The following TNFSF13B variants were observed in gnomAD, a reference collection of about 807,000 sequenced individuals.
TNFSF13B encodes the protein tumor necrosis factor ligand superfamily member 13B.
TNFSF13B carries 8 observed loss-of-function variants against 29.1 expected under a neutral mutation model. That is an observed-to-expected ratio of 0.27 (90% CI 0.16 to 0.50). The LOEUF is 0.50. TNFSF13B is among the 20% of genes least tolerant of loss of function. The pLI is 0.98. For missense variants in TNFSF13B, 248 were observed against 334.9 expected, an observed-to-expected ratio of 0.74 and a Z score of 2.03; for synonymous variants, 125 against 130.8, an observed-to-expected ratio of 0.96 and a Z score of 0.30.
intron 3 of TNFSF13B, among the ~76,000 whole-genome samples, chr13:108,291,120 C>A (rs1460077635): frequency 2.0e-5 from 3 of 151,620 alleles, no homozygotes; most frequent in African/African-American, 7.3e-5. Flanking sequence ...TATTTATGCA[C>A]CCCAATAAAA....
At chr13:108,271,097 C>G (rs563047850) in intron 2 of TNFSF13B, among the ~76,000 whole-genome samples, 20 of 152,126 alleles carry the variant, frequency 1.3e-4, no homozygotes, top group Non-Finnish European at 2.2e-4. Context: ...TCTGCTCATT[C>G]CACGGAACTT....
Position 108,308,169 on chromosome 13 carries a change from A to T in TNFSF13B, c.*1231A>T, listed in dbSNP as rs1413941699. 6.6e-6 allele frequency: 1 copy of T among 152,120 alleles called. No individual in the cohort carries two copies. The highest frequency in any genetic ancestry group is 1.5e-5 in the Non-Finnish European group (1 of 67,992). The allele number at this position is 152,120 out of a possible 1,614,324, so 9.4% of individuals were successfully genotyped here. ...CATTAAACAGTAGGTGGAAAAATAG[A>T]TGCCAGTCTATGAAAATCTTCCCAT... On this transcript the variant is annotated 3_prime_UTR_variant, in exon 6 of 6. Coordinates refer to ENST00000375887, the MANE Select transcript of TNFSF13B (RefSeq NM_006573.5).
chr13:108,306,805 T>C, intron 5 of TNFSF13B, 21 bp from the exon 6 acceptor site: 1 of 1,402,230 alleles, frequency 7.1e-7, no homozygotes, highest in Non-Finnish European at 1.0e-6. Flanking sequence ...CTTATAGTTC[T>C]TGTAAATCAT....
intron 2 of TNFSF13B, among the ~76,000 whole-genome samples, chr13:108,278,756 G>A (rs908600935): frequency 3.7e-4 from 26 of 70,866 alleles, no homozygotes; most frequent in Admixed American, 6.2e-4. Context: ...TTGAGACAGG[G>A]AAGGGTAAGA....
chr13:108,281,518 C>T (rs895191499), intron 2 of TNFSF13B, among the ~76,000 whole-genome samples: 1 of 152,096 alleles, frequency 6.6e-6, no homozygotes, highest in African/African-American at 2.4e-5. Context: ...CCATCCTCAC[C>T]CTATGTCTTT....
At chr13:108,283,425 A>C (rs973845907) in intron 2 of TNFSF13B, among the ~76,000 whole-genome samples, 58 of 152,338 alleles carry the variant, frequency 3.8e-4, no homozygotes, top group East Asian at 1.9e-4. Context: ...CAGTTCTTGA[A>C]AGAAACTTTT....
chr13:108,303,417 G>A, intron 4 of TNFSF13B, 37 bp from the exon 5 acceptor site: 6 of 1,609,554 alleles, frequency 3.7e-6, no homozygotes, highest in Non-Finnish European at 5.1e-6. Context: ...CCCATTTTGT[G>A]TTCATTTCTG....
intron 3 of TNFSF13B, chr13:108,302,797 TG>T: frequency 1.0e-6 from 1 of 985,902 alleles, no homozygotes; most frequent in Non-Finnish European, 1.2e-6. Flanking sequence ...TTGCCACATT[TG>T]GGCCAAGGAA....
chr13:108,272,348 T>A (rs1880642798), intron 2 of TNFSF13B, among the ~76,000 whole-genome samples: 1 of 152,148 alleles, frequency 6.6e-6, no homozygotes, highest in Non-Finnish European at 1.5e-5. Flanking sequence ...TTTTTTTACT[T>A]GAACATTTTG....
In TNFSF13B at chr13:108,290,224, C is replaced by T. The variant is rs530483234; in HGVS notation, c.481+3365C>T. Reference sequence around the variant, plus strand: ...ATTTTGATGCCTGTGTACAGAGATCCTCATATGAAAAAAAAAGCAGCATAG... The same window carrying T: ...ATTTTGATGCCTGTGTACAGAGATCTTCATATGAAAAAAAAAGCAGCATAG... On this transcript the variant is annotated intron_variant, in intron 3 of 5. Coordinates refer to ENST00000375887, the MANE Select transcript of TNFSF13B (RefSeq NM_006573.5). Among the ~76,000 whole-genome samples, 5 of 151,918 alleles carry T rather than the reference C, an allele frequency of 3.3e-5. No homozygotes were observed. In the South Asian group the frequency reaches 8.3e-4, roughly 25 times the overall value.
chr13:108,277,520 G>C (rs986725764), intron 2 of TNFSF13B, among the ~76,000 whole-genome samples: 1 of 152,092 alleles, frequency 6.6e-6, no homozygotes, highest in Non-Finnish European at 1.5e-5. Flanking sequence ...CCAGACCCCC[G>C]GAGAGGGTTC....
chr13:108,278,715 TTCC>T (rs1215907451), intron 2 of TNFSF13B, among the ~76,000 whole-genome samples: 2 of 140,716 alleles, frequency 1.4e-5, no homozygotes, highest in South Asian at 2.6e-4. Flanking sequence ...TCCCCTTCTC[TTCC>T]TCCTCCTCCT....
chr13:108,271,388 C>T (rs2076106514), intron 2 of TNFSF13B, among the ~76,000 whole-genome samples: 3 of 150,236 alleles, frequency 2.0e-5, no homozygotes. Context: ...TATATTTTCA[C>T]TTCTGAAGAG....
intron 2 of TNFSF13B, among the ~76,000 whole-genome samples, chr13:108,271,042 G>A (rs1311717151): frequency 6.6e-6 from 1 of 151,248 alleles, no homozygotes; most frequent in Non-Finnish European, 1.5e-5. Flanking sequence ...TGCATTTATC[G>A]TCTTCTTATA....
intron 3 of TNFSF13B, among the ~76,000 whole-genome samples, chr13:108,287,383 G>A (rs1881175276): frequency 1.3e-5 from 2 of 152,180 alleles, no homozygotes; most frequent in African/African-American, 4.8e-5. Context: ...AAATCAATCA[G>A]CCATCTCAGA....
At chr13:108,278,676 TCCTCCTTTCCTCCTCC>T (rs1880841745) in intron 2 of TNFSF13B, among the ~76,000 whole-genome samples, 9 of 4,774 alleles carry the variant, frequency 1.9e-3, no homozygotes, top group African/African-American at 3.9e-3. Context: ...TCTCCTCCTC[TCCTCCTTTCCTCCTCC>T]TCTTCCTCCT....
intron 5 of TNFSF13B, among the ~76,000 whole-genome samples, chr13:108,304,570 A>G (rs1881717866): frequency 6.6e-6 from 1 of 152,208 alleles, no homozygotes; most frequent in South Asian, 2.1e-4. Flanking sequence ...CTGGTTTTGC[A>G]GAAAAATATT....
intron 2 of TNFSF13B, among the ~76,000 whole-genome samples, chr13:108,277,700 G>A (rs987912925): frequency 3.3e-5 from 5 of 152,136 alleles, no homozygotes; most frequent in Admixed American, 2.0e-4. Flanking sequence ...CTAAACAAGG[G>A]GTGGATTATT....
chr13:108,306,342 T>C lies in TNFSF13B; in HGVS notation c.746-484T>C, dbSNP rs1038429571. On this transcript the variant is annotated intron_variant, in intron 5 of 5. Coordinates refer to ENST00000375887, the MANE Select transcript of TNFSF13B (RefSeq NM_006573.5). The stretch of plus-strand genomic sequence containing the variant: ...ATGAATGTGGTATGTTAAGAAATGG[T>C]GTTTTCTTCAGTTTTTAATATTTAT... Among the ~76,000 whole-genome samples the C allele has an allele frequency of 2.0e-5, 3 of 152,042 alleles. 1 individual carries two copies. The highest frequency in any genetic ancestry group is 4.8e-5 in the African/African-American group (2 of 41,424).
Sources: gnomAD v4.1 joint callset for allele counts (sites outside exome capture counted in the v4.1 genomes callset) on GRCh38, gnomAD v4.1.1 for gene constraint, MANE v1.5 for transcripts, NCBI Gene and HGNC (gene_info 2026-07-23, HGNC 2026-07-21) for gene names.